The following GAS7 variants were observed in gnomAD, a reference collection of about 807,000 sequenced individuals.
GAS7 encodes growth arrest specific 7.
In GAS7, 28 loss-of-function variants were observed where a neutral mutation model predicts 71.1. That is an observed-to-expected ratio of 0.39 (90% CI 0.29 to 0.54). The LOEUF (loss-of-function observed/expected upper bound fraction) is 0.54, where lower values mean the gene tolerates loss of function less well. GAS7 is among the 20% of genes least tolerant of loss of function. The pLI is 0.62. For synonymous variants in GAS7, 258 were observed against 245.8 expected (o/e 1.05, Z -0.46); for missense variants, 436 against 627.8 (o/e 0.69, Z 3.27).
At chr17:10,077,086 G>A (rs1447464011) in intron 1 of GAS7, among the ~76,000 whole-genome samples, 1 of 152,166 alleles carries the variant, frequency 6.6e-6, no homozygotes, top group East Asian at 1.9e-4. Flanking sequence ...AAGATCCCAT[G>A]TACACATAAA....
chr17:10,007,625 CAAAAAAAAAAAAAAAAA>C (rs201254619), intron 2 of GAS7, among the ~76,000 whole-genome samples: 2 of 46,596 alleles, frequency 4.3e-5, no homozygotes, highest in Admixed American at 2.7e-4. Context: ...GATTCTGTCT[CAAAAAAAAAAAAAAAAA>C]AAAAAAAAGA....
At chr17:10,146,912 C>A (rs564528034) in intron 1 of GAS7, among the ~76,000 whole-genome samples, 1 of 148,530 alleles carries the variant, frequency 6.7e-6, no homozygotes, top group Non-Finnish European at 1.5e-5. Context: ...ACCCGGGAGG[C>A]GGAGTTTGTA....
intron 3 of GAS7, among the ~76,000 whole-genome samples, chr17:9,971,287 G>C (rs1275032478): frequency 1.3e-5 from 2 of 152,100 alleles, no homozygotes; most frequent in Admixed American, 1.3e-4. Flanking sequence ...ATGGCCAGGG[G>C]GCAGTGGCTC....
intron 1 of GAS7, among the ~76,000 whole-genome samples, chr17:10,028,682 T>TG (rs1055030919): frequency 1.5e-4 from 23 of 150,024 alleles, no homozygotes; most frequent in African/African-American, 5.6e-4. Flanking sequence ...CAAGTTGGTT[T>TG]GAAAAAAAAA....
intron 1 of GAS7, among the ~76,000 whole-genome samples, chr17:10,121,832 T>C (rs1463489951): frequency 6.6e-6 from 1 of 151,848 alleles, no homozygotes; most frequent in African/African-American, 2.4e-5. Context: ...CAAAAAAGTC[T>C]CACAAGCTCA....
At chr17:10,001,770 ATTGTTTT>A (rs965507215) in intron 2 of GAS7, among the ~76,000 whole-genome samples, 3 of 152,212 alleles carry the variant, frequency 2.0e-5, no homozygotes, top group Non-Finnish European at 4.4e-5. Flanking sequence ...TTGGAAATTA[ATTGTTTT>A]TTAAGTCCCT....
chr17:10,001,998 G>A (rs1233569484), intron 2 of GAS7, among the ~76,000 whole-genome samples: 1 of 152,146 alleles, frequency 6.6e-6, no homozygotes, highest in African/African-American at 2.4e-5. Context: ...GGGACAGATT[G>A]CAACCTGTTT....
intron 1 of GAS7, among the ~76,000 whole-genome samples, chr17:10,125,938 CAG>C: frequency 6.6e-6 from 1 of 152,330 alleles, no homozygotes; most frequent in Non-Finnish European, 1.5e-5. Context: ...TCAGCAGAGC[CAG>C]AGAGAGCTGG....
At chr17:10,006,710 A>T (rs2071550264) in intron 2 of GAS7, among the ~76,000 whole-genome samples, 1 of 152,116 alleles carries the variant, frequency 6.6e-6, no homozygotes, top group South Asian at 2.1e-4. Context: ...AAATGCTGAG[A>T]TCCAAACAAT....
At chr17:9,963,138 T>C (rs2069569340) in intron 4 of GAS7, among the ~76,000 whole-genome samples, 1 of 151,992 alleles carries the variant, frequency 6.6e-6, no homozygotes, top group South Asian at 2.1e-4. Flanking sequence ...CGACAGAATA[T>C]TCTTCTGTCA....
intron 1 of GAS7, among the ~76,000 whole-genome samples, chr17:10,177,471 A>T (rs1169245164): frequency 6.6e-6 from 1 of 151,964 alleles, no homozygotes; most frequent in Non-Finnish European, 1.5e-5. Context: ...TGCTGACGCC[A>T]TGTGTGGGGT....
At chr17:9,985,669 GC>G in intron 2 of GAS7, among the ~76,000 whole-genome samples, 1 of 152,270 alleles carries the variant, frequency 6.6e-6, no homozygotes, top group South Asian at 2.1e-4. Context: ...TCAGGGAACC[GC>G]CCTTAGCCAA....
At chr17:10,102,051 C>T (rs973192636) in intron 1 of GAS7, among the ~76,000 whole-genome samples, 1 of 151,864 alleles carries the variant, frequency 6.6e-6, no homozygotes, top group African/African-American at 2.4e-5. Flanking sequence ...GAACAGTGGG[C>T]CTATAGGGTC....
At chr17:9,986,959 G>A (rs2070672714) in intron 2 of GAS7, among the ~76,000 whole-genome samples, 1 of 152,210 alleles carries the variant, frequency 6.6e-6, no homozygotes, top group Non-Finnish European at 1.5e-5. Context: ...ACCAGCAGCA[G>A]GACAAGTCAC....
At chr17:10,109,834 T>C (rs965069810) in intron 1 of GAS7, among the ~76,000 whole-genome samples, 1 of 151,876 alleles carries the variant, frequency 6.6e-6, no homozygotes, top group Non-Finnish European at 1.5e-5. Flanking sequence ...GGCGGGTGGA[T>C]CATGAGGTCA....
At chr17:10,106,735 CT>C (rs1304934519) in intron 1 of GAS7, among the ~76,000 whole-genome samples, 1 of 151,682 alleles carries the variant, frequency 6.6e-6, no homozygotes, top group Non-Finnish European at 1.5e-5. Context: ...CAAACCTGCT[CT>C]TCTTCAATTA....
chr17:10,072,242 C>T (rs143546189), intron 1 of GAS7, among the ~76,000 whole-genome samples: 36 of 152,256 alleles, frequency 2.4e-4, no homozygotes, highest in South Asian at 4.1e-4. Flanking sequence ...TATTACCTGC[C>T]GGGCCCAGAC....
intron 1 of GAS7, among the ~76,000 whole-genome samples, chr17:10,132,640 C>T (rs868443362): frequency 1.6e-4 from 24 of 152,126 alleles, no homozygotes; most frequent in African/African-American, 2.9e-4. Context: ...TGGTGGTGCG[C>T]GCCTGTAGTC....
intron 1 of GAS7, among the ~76,000 whole-genome samples, chr17:10,028,278 G>A (rs557818157): frequency 1.6e-4 from 24 of 152,198 alleles, no homozygotes; most frequent in Non-Finnish European, 2.8e-4. Flanking sequence ...AGAGGCTGAG[G>A]GGGGAGGACT....
Sources: gnomAD v4.1 joint callset for allele counts (sites outside exome capture counted in the v4.1 genomes callset) on GRCh38, gnomAD v4.1.1 for gene constraint, MANE v1.5 for transcripts, NCBI Gene and HGNC (gene_info 2026-07-23, HGNC 2026-07-21) for gene names.